DCUN1D4: variants seen among roughly 807,000 people sequenced by gnomAD.
The protein encoded by DCUN1D4 is defective in cullin neddylation 1 domain containing 4.
DCUN1D4 carries 22 observed loss-of-function variants against 47.9 expected under a neutral mutation model. That is an observed-to-expected ratio of 0.46 (90% CI 0.33 to 0.66). The LOEUF (loss-of-function observed/expected upper bound fraction) is 0.66. Ranked by LOEUF, DCUN1D4 falls within the 30% of genes least tolerant of loss-of-function variation. DCUN1D4 has a pLI of 0.02. For synonymous variants in DCUN1D4, 121 were observed against 112.2 expected (o/e 1.08, Z -0.50); for missense variants, 301 against 340.8 (o/e 0.88, Z 0.92).
At chr4:51,909,056 G>T in intron 8 of DCUN1D4, 1 of 452,686 alleles carries the variant, frequency 2.2e-6, no homozygotes, top group Non-Finnish European at 4.5e-6. Context: ...CCAAACATAT[G>T]CATTGAAATC....
upstream of DCUN1D4, among the ~76,000 whole-genome samples, chr4:51,841,657 A>G (rs917410818): frequency 1.3e-5 from 2 of 152,174 alleles, no homozygotes; most frequent in Non-Finnish European, 2.9e-5. Flanking sequence ...GTAATTTATT[A>G]AAGAGAAATT....
chr4:51,872,481 C>G (rs1005623106), intron 3 of DCUN1D4, among the ~76,000 whole-genome samples: 1 of 152,202 alleles, frequency 6.6e-6, no homozygotes, highest in Admixed American at 6.5e-5. Flanking sequence ...ATTGCTAAAT[C>G]TCATGTGTGC....
At position 51,851,600 on chromosome 4, in the gene DCUN1D4, G is replaced by C. The variant is rs543204145; in HGVS notation, c.25+8333G>C. Among the ~76,000 whole-genome samples the C allele has an allele frequency of 1.9e-3, 295 of 152,100 alleles. 6 individuals are homozygous for C. Among genetic ancestry groups the C allele is most frequent in the Middle Eastern group, 0.014 (4 of 292 alleles). On this transcript the variant is annotated intron_variant, in intron 1 of 10. Transcript: ENST00000334635. The stretch of plus-strand genomic sequence containing the variant: ...GGGTCGGTGGGAAGAACTCAAAAGA[G>C]GCACCAGGGAGAGTGTATGAGTGGA...
chr4:51,897,457 G>T (rs1437936920), intron 7 of DCUN1D4, among the ~76,000 whole-genome samples: 6 of 152,128 alleles, frequency 3.9e-5, no homozygotes, highest in African/African-American at 1.4e-4. Context: ...TACTTAGTAG[G>T]TTAAAGATCT....
intron 3 of DCUN1D4, among the ~76,000 whole-genome samples, chr4:51,872,975 AT>A (rs1170144780): frequency 6.6e-6 from 1 of 152,152 alleles, no homozygotes; most frequent in African/African-American, 2.4e-5. Flanking sequence ...GTGAATGGGT[AT>A]TTTTTTCCTT....
At chr4:51,842,377 C>T (rs957812927), upstream of DCUN1D4, among the ~76,000 whole-genome samples, 8 of 152,288 alleles carry the variant, frequency 5.3e-5, no homozygotes, top group East Asian at 3.9e-4. Context: ...CATTCGAAGC[C>T]TCTTTAACAG....
intron 7 of DCUN1D4, among the ~76,000 whole-genome samples, chr4:51,895,889 C>T (rs866712695): frequency 1.3e-5 from 2 of 152,098 alleles, no homozygotes; most frequent in African/African-American, 4.8e-5. Context: ...TGTGGGAAGA[C>T]TTGAGTTGAA....
rs1214902483 is a variant in DCUN1D4 at position 51,914,685 on chromosome 4, C to T, written c.*1101C>T. On this transcript the variant is annotated 3_prime_UTR_variant, in exon 11 of 11. Transcript: ENST00000334635. ...AGAAACCACCAGCATTGAGCTAACC[C>T]AGTACATGCTAGGACCTGTCCTAGA... 1 of 152,508 alleles carries T rather than the reference C, an allele frequency of 6.6e-6. No individual in the cohort carries two copies. Among genetic ancestry groups the T allele is most frequent in the African/African-American group, 2.4e-5 (1 of 41,412 alleles). The allele number at this position is 152,508 out of a possible 1,614,324, so 9.4% of individuals were successfully genotyped here. A position where few individuals can be genotyped will look rare whatever the true frequency, so the allele number is the denominator to read the frequency against.
chr4:51,904,651 G>T (rs1732602593), intron 8 of DCUN1D4, among the ~76,000 whole-genome samples: 1 of 152,106 alleles, frequency 6.6e-6, no homozygotes, highest in African/African-American at 2.4e-5. Flanking sequence ...TTTTCTTGGG[G>T]ATCACAGTCC....
intron 7 of DCUN1D4, 39 bp from the exon 8 acceptor site, chr4:51,899,226 TAAATG>T: frequency 1.3e-6 from 2 of 1,514,382 alleles, no homozygotes; most frequent in Non-Finnish European, 1.8e-6. Context: ...AAAAAATAAA[TAAATG>T]AACTCAGGTC....
At chr4:51,880,351 G>A (rs1471307114) in intron 5 of DCUN1D4, among the ~76,000 whole-genome samples, 2 of 152,206 alleles carry the variant, frequency 1.3e-5, no homozygotes, top group African/African-American at 4.8e-5. Context: ...GTAGAAGAGA[G>A]CAGGCTGGTT....
chr4:51,843,656 G>C, intron 1 of DCUN1D4: 1 of 1,254,244 alleles, frequency 8.0e-7, no homozygotes, highest in African/African-American at 1.6e-5. Flanking sequence ...CCGGCGGGGA[G>C]AGGGAGGGAG....
At chr4:51,885,030 A>G (rs1729239198) in intron 5 of DCUN1D4, 1 of 152,106 alleles carries the variant, frequency 6.6e-6, no homozygotes, top group Admixed American at 6.6e-5. Context: ...ACTTCTGAGA[A>G]ACTTGTTTTG....
intron 6 of DCUN1D4, among the ~76,000 whole-genome samples, chr4:51,888,029 A>C (rs1577983665): frequency 6.6e-6 from 1 of 152,106 alleles, no homozygotes; most frequent in Non-Finnish European, 1.5e-5. Context: ...AGACACAAGA[A>C]AAGACCATTA....
chr4:51,895,209 A>G (rs1731052648), intron 7 of DCUN1D4, among the ~76,000 whole-genome samples: 1 of 152,142 alleles, frequency 6.6e-6, no homozygotes, highest in Admixed American at 6.5e-5. Context: ...GTTAAAAAAA[A>G]AAAAAGGTTA....
rs372774347 is a variant in DCUN1D4 at position 51,894,723 on chromosome 4, T to C, written c.506+2872T>C. Among the ~76,000 whole-genome samples the C allele has an allele frequency of 3.7e-4, 56 of 152,316 alleles. 2 individuals carry two copies. In the East Asian group the frequency reaches 5.0e-3, roughly 14 times the overall value. On this transcript the variant is annotated intron_variant, in intron 7 of 10. Coordinates refer to ENST00000334635, the MANE Select transcript of DCUN1D4 (RefSeq NM_001040402.3). ...TCTTCTATTTTGGATTTCTTTTCTATTTTTGCTCATTTTAATTTTATTAAA... is the reference window on the plus strand; with the variant it reads ...TCTTCTATTTTGGATTTCTTTTCTACTTTTGCTCATTTTAATTTTATTAAA...
At chr4:51,873,635 T>C (rs936610386) in intron 3 of DCUN1D4, among the ~76,000 whole-genome samples, 1 of 152,248 alleles carries the variant, frequency 6.6e-6, no homozygotes, top group Non-Finnish European at 1.5e-5. Context: ...GTGGCTATTA[T>C]TATCTGTTAT....
chr4:51,837,239 C>T, the DCUN1D4 span, among the ~76,000 whole-genome samples: 430 of 152,058 alleles, frequency 2.8e-3, 2 homozygotes, highest in African/African-American at 0.01. Context: ...TTGTTAATTC[C>T]CTAGGCAGGT....
chr4:51,901,881 G>A (rs1039668136), intron 8 of DCUN1D4, among the ~76,000 whole-genome samples: 3 of 152,064 alleles, frequency 2.0e-5, no homozygotes, highest in East Asian at 1.9e-4. Context: ...CTTAATTACC[G>A]GATAGATTCA....
Sources: allele counts gnomAD v4.1 joint callset (sites outside exome capture counted in the v4.1 genomes callset), GRCh38; gene constraint gnomAD v4.1.1; transcripts MANE v1.5; gene names NCBI Gene and HGNC (gene_info 2026-07-23, HGNC 2026-07-21).